Variants in ANKRD31 observed in about 807,000 individuals in gnomAD.
The protein encoded by ANKRD31 is ankyrin repeat domain 31.
A neutral mutation model predicts 186.0 loss-of-function variants in ANKRD31; 147 were observed. The ratio of observed to expected loss-of-function variants is 0.79; its 90% CI spans 0.69 to 0.91. The LOEUF is 0.91. Among genes scored for constraint, ANKRD31 ranks in the 40% least tolerant of loss-of-function variants. The pLI is 0.00. For synonymous variants in ANKRD31, 673 were observed against 736.4 expected (o/e 0.91, Z 1.39); for missense variants, 1,986 against 2,148.8 (o/e 0.92, Z 1.50).
At chr5:75,170,186 G>A (rs1753215333) in intron 10 of ANKRD31, among the ~76,000 whole-genome samples, 1 of 151,968 alleles carries the variant, frequency 6.6e-6, no homozygotes, top group African/African-American at 2.4e-5. Context: ...GGATATGGGG[G>A]AATAAATGGA....
chr5:75,231,358 G>A (rs1757941689), intron 1 of ANKRD31, among the ~76,000 whole-genome samples: 2 of 151,974 alleles, frequency 1.3e-5, no homozygotes, highest in East Asian at 1.9e-4. Context: ...TTACAGGAAT[G>A]AGCCACCACA....
chr5:75,084,480 T>C, intron 23 of ANKRD31, 106 bp from the exon 24 acceptor site: 1 of 894,648 alleles, frequency 1.1e-6, no homozygotes, highest in Non-Finnish European at 1.7e-6. Flanking sequence ...TTGTTGTATG[T>C]TGTGGATTAG....
At chr5:75,201,099 C>A (rs898015614) in intron 5 of ANKRD31, among the ~76,000 whole-genome samples, 3 of 152,044 alleles carry the variant, frequency 2.0e-5, no homozygotes, top group Admixed American at 2.0e-4. Flanking sequence ...TCCTCATAAG[C>A]AAGACAGGTT....
intron 3 of ANKRD31, among the ~76,000 whole-genome samples, chr5:75,218,156 T>C (rs530309811): frequency 6.6e-6 from 1 of 152,148 alleles, no homozygotes; most frequent in South Asian, 2.1e-4. Context: ...AATCCAGAAG[T>C]TGGTTTTTTG....
intron 1 of ANKRD31, among the ~76,000 whole-genome samples, chr5:75,231,648 G>A (rs902572945): frequency 2.6e-5 from 4 of 152,100 alleles, no homozygotes; most frequent in Non-Finnish European, 5.9e-5. Flanking sequence ...TACACGAAAC[G>A]AAAAGATGTT....
At chr5:75,074,838 T>G (rs888993133) in intron 25 of ANKRD31, among the ~76,000 whole-genome samples, 1 of 152,218 alleles carries the variant, frequency 6.6e-6, no homozygotes, top group Non-Finnish European at 1.5e-5. Context: ...AGCATTAAAA[T>G]TATTTGAATC....
chr5:75,158,952 G>A (rs541538896), intron 11 of ANKRD31, among the ~76,000 whole-genome samples: 1 of 152,126 alleles, frequency 6.6e-6, no homozygotes, highest in East Asian at 1.9e-4. Context: ...TATGTTCAAA[G>A]AGCTGATGAA....
Position 75,146,459 on chromosome 5 carries a change from T to C in ANKRD31, c.2952A>G (p.Glu984=). Reference sequence around the variant, plus strand: ...TGCATTGTTCATAATTTGCAACATGTTCAGAAATAACTGCATTATCTGAAT... The same window carrying C: ...TGCATTGTTCATAATTTGCAACATGCTCAGAAATAACTGCATTATCTGAAT... ...FSYSDNAVIS[E]HVANYEQCIF... Residue 984 remains glutamate (E), a synonymous_variant, in exon 14 of 26, where the codon GAA becomes GAG. Transcript: ENST00000506364. The C allele has an allele frequency of 6.5e-7, 1 of 1,536,494 alleles. No individual in the cohort carries two copies. The highest frequency in any genetic ancestry group is 8.7e-7 in the Non-Finnish European group (1 of 1,146,460).
At chr5:75,105,365 T>G in intron 21 of ANKRD31, 147 bp from the exon 22 acceptor site, 1 of 879,516 alleles carries the variant, frequency 1.1e-6, no homozygotes, top group Non-Finnish European at 1.5e-6. Flanking sequence ...CTGCCTTTGA[T>G]TTTTTTAATC....
rs151013734 is a variant in ANKRD31 at position 75,232,376 on chromosome 5, G to A, written c.105-1741C>T. ...CCGCCCAGGTTCAAGTGATCCTCCT[G>A]CCTCAGCCTCCCAAGTAGCTGAGAT... On this transcript the variant is annotated intron_variant, in intron 1 of 25. Coordinates refer to ENST00000506364, the MANE Select transcript of ANKRD31 (RefSeq NM_001372053.1). 3.9e-3 allele frequency among the ~76,000 whole-genome samples: 587 copies of A among 152,196 alleles called. 1 individual carries two copies. The highest frequency in any genetic ancestry group is 0.023 in the South Asian group (110 of 4,824).
chr5:75,099,901 G>T (rs1312564009), intron 22 of ANKRD31, among the ~76,000 whole-genome samples: 3 of 152,060 alleles, frequency 2.0e-5, no homozygotes, highest in African/African-American at 7.2e-5. Flanking sequence ...TTTTTGAATG[G>T]TTTTTTGTGT....
At chr5:75,076,310 T>C (rs956078461) in intron 25 of ANKRD31, among the ~76,000 whole-genome samples, 6 of 152,220 alleles carry the variant, frequency 3.9e-5, no homozygotes, top group Admixed American at 2.0e-4. Flanking sequence ...CTAACTTGTC[T>C]ACAAATTAGA....
intron 17 of ANKRD31, among the ~76,000 whole-genome samples, chr5:75,120,572 T>C (rs1561442346): frequency 1.3e-5 from 2 of 152,054 alleles, no homozygotes; most frequent in African/African-American, 4.8e-5. Flanking sequence ...AAGAGGCAGA[T>C]AAATTTAGGA....
chr5:75,086,009 A>T (rs576298374), intron 23 of ANKRD31, among the ~76,000 whole-genome samples: 1 of 152,202 alleles, frequency 6.6e-6, no homozygotes, highest in Non-Finnish European at 1.5e-5. Context: ...CTCACTTGCC[A>T]TAGAAAGTAG....
chr5:75,140,182 C>A (rs1040629404), intron 15 of ANKRD31, among the ~76,000 whole-genome samples: 1 of 147,324 alleles, frequency 6.8e-6, no homozygotes, highest in South Asian at 2.1e-4. Flanking sequence ...CCAGCCTGGG[C>A]AACAGAGATA....
At position 75,196,178 on chromosome 5, in the gene ANKRD31, G is replaced by C; in HGVS notation, c.470C>G (p.Ser157Cys). The C allele has an allele frequency of 6.7e-7, 1 of 1,484,798 alleles. No individual in the cohort carries two copies. Among genetic ancestry groups the C allele is most frequent in the Non-Finnish European group, 8.9e-7 (1 of 1,125,386 alleles). 92.0% of individuals were successfully genotyped at this position (1,484,798 alleles called of 1,614,324 possible). ...IEKELSEGRD[S>C]PEVSLLSGTA... ...GCCTGAGAGAAGGCTAACTTCAGGA[G>C]AATCTCTGCCTTCACTTAGTTCCTG... The change falls in exon 7 of 26, where the codon TCT becomes TGT. Residue 157 changes from serine to cysteine, a missense_variant. Coordinates refer to ENST00000506364, the MANE Select transcript of ANKRD31 (RefSeq NM_001372053.1).
intron 17 of ANKRD31, among the ~76,000 whole-genome samples, chr5:75,135,001 T>C (rs1580404556): frequency 6.6e-6 from 1 of 152,170 alleles, no homozygotes. Context: ...AAACTAGGTA[T>C]TGATGGGACG....
At chr5:75,121,837 A>T (rs1412295837) in intron 17 of ANKRD31, among the ~76,000 whole-genome samples, 1 of 152,190 alleles carries the variant, frequency 6.6e-6, no homozygotes. Context: ...TATAGCATCA[A>T]ATGCCTATAT....
intron 11 of ANKRD31, among the ~76,000 whole-genome samples, chr5:75,155,038 C>T (rs1406478960): frequency 1.3e-5 from 2 of 152,076 alleles, no homozygotes; most frequent in Non-Finnish European, 2.9e-5. Flanking sequence ...ATATCAGTCT[C>T]TCCTAGTGTA....
Sources: allele counts gnomAD v4.1 joint callset (sites outside exome capture counted in the v4.1 genomes callset), GRCh38; gene constraint gnomAD v4.1.1; transcripts MANE v1.5; gene names NCBI Gene and HGNC (gene_info 2026-07-23, HGNC 2026-07-21).